PPP3R1: variants seen among roughly 807,000 people sequenced by gnomAD.
The protein encoded by PPP3R1 is protein phosphatase 3 regulatory subunit B, alpha.
Under a neutral mutation model 22.6 loss-of-function variants are expected in PPP3R1, and 5 were observed. The observed-to-expected ratio is 0.22, with a 90% CI of 0.12 to 0.46. PPP3R1 has a LOEUF of 0.46. Ranked by LOEUF, PPP3R1 falls within the 20% of genes least tolerant of loss-of-function variation. The pLI is 0.99. For missense variants in PPP3R1, 61 were observed against 203.2 expected (o/e 0.30, Z 4.25); for synonymous variants, 56 against 65.2 (o/e 0.86, Z 0.68).
chr2:68,189,786 T>C (rs1674621910), intron 2 of PPP3R1, among the ~76,000 whole-genome samples: 1 of 152,098 alleles, frequency 6.6e-6, no homozygotes, highest in Non-Finnish European at 1.5e-5. Flanking sequence ...GGAGAATCGC[T>C]TGAACCCAGG....
At chr2:68,222,464 G>C (rs188670544) in intron 1 of PPP3R1, among the ~76,000 whole-genome samples, 152 of 152,296 alleles carry the variant, frequency 1.0e-3, no homozygotes, top group Non-Finnish European at 1.8e-3. Context: ...GGTGAACTAA[G>C]TAAAACTGAT....
chr2:68,234,330 G>A (rs1239187861), intron 1 of PPP3R1, among the ~76,000 whole-genome samples: 1 of 151,458 alleles, frequency 6.6e-6, no homozygotes, highest in Non-Finnish European at 1.5e-5. Context: ...GGAACAGAGT[G>A]AGACTCCGTC....
At chr2:68,225,970 A>G (rs1171452233) in intron 1 of PPP3R1, among the ~76,000 whole-genome samples, 1 of 152,240 alleles carries the variant, frequency 6.6e-6, no homozygotes, top group East Asian at 1.9e-4. Flanking sequence ...ATAAACTGTT[A>G]TATCCAGACA....
At chr2:68,212,378 G>A (rs190032458) in intron 2 of PPP3R1, among the ~76,000 whole-genome samples, 4 of 152,310 alleles carry the variant, frequency 2.6e-5, no homozygotes, top group Non-Finnish European at 4.4e-5. Context: ...ACTGTGCCTG[G>A]CCCTTTCCAG....
chr2:68,239,073 G>A (rs1670070268), intron 1 of PPP3R1, among the ~76,000 whole-genome samples: 1 of 152,150 alleles, frequency 6.6e-6, no homozygotes, highest in Non-Finnish European at 1.5e-5. Flanking sequence ...ATTATTTGAA[G>A]CAAAGTTATT....
chr2:68,239,407 A>T (rs1361835288), intron 1 of PPP3R1, among the ~76,000 whole-genome samples: 1 of 152,238 alleles, frequency 6.6e-6, no homozygotes, highest in Non-Finnish European at 1.5e-5. Context: ...AAGAGAGTAA[A>T]AAAGTATGAC....
At chr2:68,226,246 G>A (rs1327649051) in intron 1 of PPP3R1, among the ~76,000 whole-genome samples, 1 of 152,104 alleles carries the variant, frequency 6.6e-6, no homozygotes, top group Non-Finnish European at 1.5e-5. Context: ...CTTGACTGTG[G>A]TGATTACAAA....
At chr2:68,194,315 G>A (rs929866550) in intron 2 of PPP3R1, among the ~76,000 whole-genome samples, 3 of 151,938 alleles carry the variant, frequency 2.0e-5, no homozygotes, top group African/African-American at 4.8e-5. Context: ...CGGTTCTCAC[G>A]GATAAATGTA....
At chr2:68,217,819 T>C (rs1646354831) in intron 1 of PPP3R1, among the ~76,000 whole-genome samples, 1 of 152,056 alleles carries the variant, frequency 6.6e-6, no homozygotes, top group African/African-American at 2.4e-5. Flanking sequence ...TATACTAGGA[T>C]TTTATGTGAA....
rs1674357564 is a variant in PPP3R1 at position 68,179,438 on chromosome 2, CAG to C, written c.*1523_*1524del. 6.6e-6 allele frequency: 1 copy of C among 152,536 alleles called. No individual in the cohort carries two copies. The highest frequency in any genetic ancestry group is 1.5e-5 in the Non-Finnish European group (1 of 68,036). 9.4% of individuals were successfully genotyped at this position (152,536 alleles called of 1,614,324 possible). On this transcript the variant is annotated 3_prime_UTR_variant, in exon 6 of 6. Transcript: ENST00000234310. ...AGCACCGGGATTTTTCTCTCACAGA[CAG>C]AGCCCATGATGTGCAGCACTCAGTT...
Position 68,218,181 on chromosome 2 carries a change from ATTAAT to A in PPP3R1, c.4-1055_4-1051del, listed in dbSNP as rs3039851. Among the ~76,000 whole-genome samples, 17,175 of 152,084 alleles carry A rather than the reference ATTAAT, an allele frequency of 0.11. 1,263 individuals are homozygous for A. Among genetic ancestry groups the A allele is most frequent in the Middle Eastern group, 0.22 (64 of 292 alleles). On this transcript the variant is annotated intron_variant, in intron 1 of 5. Coordinates refer to ENST00000234310, the MANE Select transcript of PPP3R1 (RefSeq NM_000945.4). ...AAATAGCAGTAAGTATACAGTTGCTATTAATTTAAGTGTACAATTAACATGGGCAT... is the reference window on the plus strand; with the variant it reads ...AAATAGCAGTAAGTATACAGTTGCTATTAAGTGTACAATTAACATGGGCAT...
chr2:68,242,204 G>A (rs561402827), intron 1 of PPP3R1, among the ~76,000 whole-genome samples: 10 of 152,228 alleles, frequency 6.6e-5, no homozygotes, highest in African/African-American at 9.6e-5. Context: ...TGAAGCAAGC[G>A]GATCATGAGG....
At chr2:68,206,038 G>C (rs1039477617) in intron 2 of PPP3R1, among the ~76,000 whole-genome samples, 2 of 151,834 alleles carry the variant, frequency 1.3e-5, no homozygotes, top group African/African-American at 4.8e-5. Context: ...GGCTGGTCTT[G>C]AACTCCGGAC....
intron 1 of PPP3R1, among the ~76,000 whole-genome samples, chr2:68,239,232 T>G (rs908551571): frequency 1.3e-5 from 2 of 152,200 alleles, no homozygotes; most frequent in African/African-American, 2.4e-5. Context: ...CTTTCAGCTG[T>G]GTTCCTATAT....
intron 1 of PPP3R1, among the ~76,000 whole-genome samples, chr2:68,223,035 T>C (rs900496744): frequency 3.9e-5 from 6 of 152,100 alleles, no homozygotes; most frequent in African/African-American, 1.4e-4. Flanking sequence ...AAAGGAAGGG[T>C]ACTGTCCTGA....
At chr2:68,250,346 T>C (rs889564552) in intron 1 of PPP3R1, among the ~76,000 whole-genome samples, 2 of 152,212 alleles carry the variant, frequency 1.3e-5, no homozygotes, top group Non-Finnish European at 2.9e-5. Flanking sequence ...TTCAGTCTGT[T>C]GTTCAAAAAA....
intron 2 of PPP3R1, among the ~76,000 whole-genome samples, chr2:68,200,430 A>G (rs991253457): frequency 6.6e-6 from 1 of 152,210 alleles, no homozygotes; most frequent in East Asian, 1.9e-4. Context: ...CTGAACATTT[A>G]TAACAATCCT....
chr2:68,187,257 C>T lies in PPP3R1; in HGVS notation c.278G>A (p.Arg93Lys). The change falls in exon 4 of 6, where the codon AGG becomes AAG. Residue 93 changes from arginine (R) to lysine (K), a missense_variant and splice_region_variant. Arg to Lys is a conservative substitution (Grantham distance 26). Transcript: ENST00000234310. Reference protein sequence around the residue: ...SVKGDKEQKLRFAFRIYDMDK... With the variant: ...SVKGDKEQKLKFAFRIYDMDK... ...AGTCAGTGAAGAAAAATACTTACAC[C>T]TCAATTTCTGCTCCTTATCTCCTTT... 6.2e-7 allele frequency: 1 copy of T among 1,606,186 alleles called. No homozygotes were observed. The highest frequency in any genetic ancestry group is 2.2e-5 in the East Asian group (1 of 44,720).
chr2:68,249,299 G>GT (rs566925733), intron 1 of PPP3R1, among the ~76,000 whole-genome samples: 15,621 of 148,334 alleles, frequency 0.11, 1,051 homozygotes, highest in Non-Finnish European at 0.15. Context: ...CATAAGACAG[G>GT]TTTTTTTTTT....
Sources: allele counts gnomAD v4.1 joint callset (sites outside exome capture counted in the v4.1 genomes callset), GRCh38; gene constraint gnomAD v4.1.1; transcripts MANE v1.5; gene names NCBI Gene and HGNC (gene_info 2026-07-23, HGNC 2026-07-21).